The following PDE4D variants were observed in gnomAD, a reference collection of about 807,000 sequenced individuals.
PDE4D encodes the protein phosphodiesterase 4D.
PDE4D carries 24 observed loss-of-function variants against 87.4 expected under a neutral mutation model. That is an observed-to-expected ratio of 0.27 (90% CI 0.20 to 0.39). The LOEUF is 0.39. PDE4D is among the 10% of genes least tolerant of loss of function. PDE4D has a pLI of 1.00. For synonymous variants in PDE4D, 384 were observed against 383.2 expected, an observed-to-expected ratio of 1.00 and a Z score of -0.02; for missense variants, 714 against 1,041.0, an observed-to-expected ratio of 0.69 and a Z score of 4.32.
chr5:60,386,097 A>G (rs1180706579), intron 1 of PDE4D, among the ~76,000 whole-genome samples: 1 of 152,220 alleles, frequency 6.6e-6, no homozygotes, highest in Non-Finnish European at 1.5e-5. Context: ...TTCCTGAGTT[A>G]TATATTATAC....
intron 1 of PDE4D, among the ~76,000 whole-genome samples, chr5:59,315,985 C>T (rs951544292): frequency 3.9e-5 from 6 of 152,082 alleles, no homozygotes; most frequent in South Asian, 2.1e-4. Flanking sequence ...TTCCAGTTGC[C>T]CACTTGGTCC....
intron 3 of PDE4D, among the ~76,000 whole-genome samples, chr5:59,932,077 G>T (rs1198931729): frequency 6.6e-6 from 1 of 152,130 alleles, no homozygotes; most frequent in African/African-American, 2.4e-5. Context: ...TTCTGATCCT[G>T]CCATACACTC....
chr5:59,648,794 A>G (rs1742897142), intron 1 of PDE4D, among the ~76,000 whole-genome samples: 1 of 152,126 alleles, frequency 6.6e-6, no homozygotes, highest in South Asian at 2.1e-4. Context: ...GCTAAGAAAG[A>G]TTATTAGAAT....
At chr5:59,972,095 A>T (rs571195623) in intron 3 of PDE4D, among the ~76,000 whole-genome samples, 1 of 152,172 alleles carries the variant, frequency 6.6e-6, no homozygotes, top group Non-Finnish European at 1.5e-5. Flanking sequence ...CGATAGTGGC[A>T]TATGTGATGG....
intron 2 of PDE4D, among the ~76,000 whole-genome samples, chr5:60,167,817 C>G (rs1479292992): frequency 6.6e-6 from 1 of 152,170 alleles, no homozygotes; most frequent in African/African-American, 2.4e-5. Flanking sequence ...ATCTCCATCT[C>G]TTTAAGGTCA....
chr5:60,046,964 C>G (rs1479212615), intron 2 of PDE4D, among the ~76,000 whole-genome samples: 1 of 152,140 alleles, frequency 6.6e-6, no homozygotes, highest in African/African-American at 2.4e-5. Flanking sequence ...CCTTGTACCT[C>G]TGGTAGAATT....
At chr5:59,497,326 C>A (rs931916527) in intron 1 of PDE4D, among the ~76,000 whole-genome samples, 2 of 152,042 alleles carry the variant, frequency 1.3e-5, no homozygotes, top group Non-Finnish European at 1.5e-5. Context: ...AGCTCCCAAG[C>A]AATGAACCCT....
At chr5:59,579,875 C>T (rs953795967) in intron 1 of PDE4D, among the ~76,000 whole-genome samples, 1 of 152,168 alleles carries the variant, frequency 6.6e-6, no homozygotes, top group Admixed American at 6.5e-5. Context: ...ATCCTATAGG[C>T]CACAGTGACC....
chr5:58,985,432 A>C (rs1746176358), intron 11 of PDE4D, among the ~76,000 whole-genome samples: 1 of 152,180 alleles, frequency 6.6e-6, no homozygotes, highest in Admixed American at 6.5e-5. Context: ...TTGGCACCTA[A>C]AGCTAAAACA....
intron 2 of PDE4D, among the ~76,000 whole-genome samples, chr5:60,011,627 G>C (rs1291405103): frequency 6.6e-6 from 1 of 152,012 alleles, no homozygotes; most frequent in Non-Finnish European, 1.5e-5. Context: ...CTATGCATAG[G>C]TCCTTTTCTG....
intron 1 of PDE4D, among the ~76,000 whole-genome samples, chr5:59,485,267 C>T (rs940508226): frequency 6.6e-6 from 1 of 152,106 alleles, no homozygotes; most frequent in Admixed American, 6.6e-5. Context: ...AATGAATATA[C>T]AGTGCATCCA....
chr5:60,055,058 A>G (rs772253405), intron 2 of PDE4D, among the ~76,000 whole-genome samples: 1 of 152,124 alleles, frequency 6.6e-6, no homozygotes, highest in African/African-American at 2.4e-5. Context: ...ACAAAGATCA[A>G]TGGCATCAAT....
chr5:59,558,613 G>C (rs1038118554), intron 1 of PDE4D: 1 of 152,150 alleles, frequency 6.6e-6, no homozygotes, highest in Admixed American at 6.5e-5. Flanking sequence ...GTAAGGGATT[G>C]AAGAGATATT....
intron 1 of PDE4D, among the ~76,000 whole-genome samples, chr5:60,419,041 G>C (rs954034259): frequency 3.3e-5 from 5 of 152,136 alleles, no homozygotes; most frequent in Non-Finnish European, 5.9e-5. Context: ...CATTTTTAAC[G>C]AGGCTACAGC....
intron 2 of PDE4D, among the ~76,000 whole-genome samples, chr5:60,039,591 T>A (rs902347536): frequency 1.3e-5 from 2 of 150,016 alleles, no homozygotes; most frequent in Non-Finnish European, 3.0e-5. Context: ...ATAATAATAA[T>A]AAAAGAAAAA....
chr5:59,467,842 CAA>C (rs1380177671), intron 1 of PDE4D, among the ~76,000 whole-genome samples: 1 of 152,088 alleles, frequency 6.6e-6, no homozygotes, highest in Non-Finnish European at 1.5e-5. Context: ...CATTTATTGT[CAA>C]AAGCTTTATG....
At chr5:60,301,603 G>A (rs1753898444) in intron 1 of PDE4D, among the ~76,000 whole-genome samples, 1 of 152,092 alleles carries the variant, frequency 6.6e-6, no homozygotes, top group Admixed American at 6.5e-5. Flanking sequence ...AGAAGCTTTT[G>A]GGCTGAAACT....
At chr5:59,328,993 G>A (rs185894288) in intron 1 of PDE4D, among the ~76,000 whole-genome samples, 48 of 152,284 alleles carry the variant, frequency 3.2e-4, no homozygotes, top group African/African-American at 7.7e-4. Context: ...TGGTGGGCAC[G>A]GTGCCTTTCA....
intron 1 of PDE4D, among the ~76,000 whole-genome samples, chr5:59,876,813 G>A (rs1044248708): frequency 3.3e-5 from 5 of 152,026 alleles, no homozygotes; most frequent in African/African-American, 1.2e-4. Flanking sequence ...TATTATCTTA[G>A]GAAGATGTAG....
Sources: gnomAD v4.1 joint callset for allele counts (sites outside exome capture counted in the v4.1 genomes callset) on GRCh38, gnomAD v4.1.1 for gene constraint, MANE v1.5 for transcripts, NCBI Gene and HGNC (gene_info 2026-07-23, HGNC 2026-07-21) for gene names.